The following PDPK1 variants were observed in gnomAD, a reference collection of about 807,000 sequenced individuals.
PDPK1 encodes 3-phosphoinositide dependent protein kinase 1.
A neutral mutation model predicts 39.8 loss-of-function variants in PDPK1; 7 were observed. The ratio of observed to expected loss-of-function variants is 0.18; its 90% CI spans 0.10 to 0.33. The LOEUF is 0.33. Ranked by LOEUF, PDPK1 falls within the 10% of genes least tolerant of loss-of-function variation. The pLI is 1.00. For synonymous variants in PDPK1, 118 were observed against 159.1 expected, an observed-to-expected ratio of 0.74 and a Z score of 1.95; for missense variants, 182 against 384.7, an observed-to-expected ratio of 0.47 and a Z score of 4.41.
At chr16:2,589,953 C>T (rs772438135) in intron 11 of PDPK1, among the ~76,000 whole-genome samples, 39 of 152,294 alleles carry the variant, frequency 2.6e-4, no homozygotes, top group Admixed American at 5.2e-4. Flanking sequence ...CCTGTGCTGC[C>T]ACAGTCCACA....
chr16:2,546,625 C>G (rs376969343), intron 1 of PDPK1, among the ~76,000 whole-genome samples: 1 of 152,212 alleles, frequency 6.6e-6, no homozygotes, highest in Admixed American at 6.5e-5. Flanking sequence ...CCACCGTGCC[C>G]GGCCTTCCTT....
Position 2,593,439 on chromosome 16 carries a change from G to C in PDPK1, c.1344-2354G>C, listed in dbSNP as rs780851724. ...TCGTCCTCTTTCCGTGGCTCCCACAGCTCAGTGCTGGGCTGCTGTTCTCGC... is the reference window on the plus strand; with the variant it reads ...TCGTCCTCTTTCCGTGGCTCCCACACCTCAGTGCTGGGCTGCTGTTCTCGC... On this transcript the variant is annotated intron_variant, in intron 11 of 13. Coordinates refer to ENST00000342085, the MANE Select transcript of PDPK1 (RefSeq NM_002613.5). The surrounding 1 kb of genome is among the most constrained non-coding windows in gnomAD (Gnocchi z 4.2). 1.3e-5 allele frequency: 4 copies of C among 318,292 alleles called. No individual in the cohort carries two copies. Among genetic ancestry groups the C allele is most frequent in the African/African-American group, 2.2e-5 (1 of 44,884 alleles). The allele number at this position is 318,292 out of a possible 1,614,324, so 19.7% of individuals were successfully genotyped here. A position where few individuals can be genotyped will look rare whatever the true frequency, so the allele number is the denominator to read the frequency against.
intron 11 of PDPK1, 22 bp downstream of exon 11, chr16:2,586,915 CA>C (rs1247615836): frequency 1.2e-6 from 2 of 1,605,000 alleles, no homozygotes; most frequent in Admixed American, 1.7e-5. Context: ...TGGACATAAG[CA>C]ATGCTTTTTG....
Position 2,601,188 on chromosome 16 carries a change from T to C in PDPK1, c.*3421T>C. ...TTCATTTTGAAGATATTTCTGTCTC[T>C]CTCTCGACCTGATGTGTAGACGCTC... On this transcript the variant is annotated 3_prime_UTR_variant, in exon 14 of 14. Coordinates refer to ENST00000342085, the MANE Select transcript of PDPK1 (RefSeq NM_002613.5). 1 of 233,672 alleles carries C rather than the reference T, an allele frequency of 4.3e-6. No homozygotes were observed. The highest frequency in any genetic ancestry group is 8.5e-6 in the Non-Finnish European group (1 of 117,932). The allele number at this position is 233,672 out of a possible 1,614,324, so 14.5% of individuals were successfully genotyped here.
intron 11 of PDPK1, among the ~76,000 whole-genome samples, chr16:2,591,463 G>A (rs1567167814): frequency 2.0e-5 from 3 of 152,186 alleles, no homozygotes; most frequent in South Asian, 2.1e-4. Flanking sequence ...CATTGCAACC[G>A]AGCTTTAAGC....
intron 10 of PDPK1, among the ~76,000 whole-genome samples, chr16:2,584,889 C>T (rs555664582): frequency 7.2e-4 from 109 of 152,308 alleles, no homozygotes; most frequent in African/African-American, 2.5e-3. Context: ...AGGCCCTTGC[C>T]CCCACCCTGT....
chr16:2,541,289 C>G (rs1372027373), intron 1 of PDPK1, among the ~76,000 whole-genome samples: 1 of 152,154 alleles, frequency 6.6e-6, no homozygotes, highest in Non-Finnish European at 1.5e-5. Context: ...TCAGTCTATG[C>G]ACTCATCCCC....
At chr16:2,586,052 G>T (rs1326414197) in intron 10 of PDPK1, among the ~76,000 whole-genome samples, 1 of 152,194 alleles carries the variant, frequency 6.6e-6, no homozygotes, top group African/African-American at 2.4e-5. Flanking sequence ...GTGTCCGCTT[G>T]GCACGTTTAT....
chr16:2,557,342 GT>G (rs1339512834), intron 1 of PDPK1: 12 of 337,610 alleles, frequency 3.6e-5, no homozygotes, highest in Non-Finnish European at 6.7e-5. Context: ...GGGCGTCTCT[GT>G]GTATTGTAAA....
In PDPK1 at chr16:2,601,247, T is replaced by TA. The variant is rs2067209248; in HGVS notation, c.*3481dup. The TA allele has an allele frequency of 8.5e-6, 2 of 234,380 alleles. No homozygotes were observed. Among genetic ancestry groups the TA allele is most frequent in the East Asian group, 1.2e-4 (2 of 16,568 alleles). 14.5% of individuals were successfully genotyped at this position (234,380 alleles called of 1,614,324 possible). On this transcript the variant is annotated 3_prime_UTR_variant, in exon 14 of 14. Transcript: ENST00000342085. Reference sequence around the variant, plus strand: ...TAGCAGAACCACCTTAGTTGTGTCTTACAGATTCTGAACAAATCGGTTTCT... The same window carrying TA: ...TAGCAGAACCACCTTAGTTGTGTCTTAACAGATTCTGAACAAATCGGTTTCT...
chr16:2,589,007 A>C (rs997892124), intron 11 of PDPK1, among the ~76,000 whole-genome samples: 2 of 152,058 alleles, frequency 1.3e-5, no homozygotes, highest in African/African-American at 4.8e-5. Context: ...CCCAGGCTGG[A>C]GTGCAGTGGC....
At chr16:2,577,720 T>G (rs2066741683) in intron 7 of PDPK1, among the ~76,000 whole-genome samples, 1 of 149,490 alleles carries the variant, frequency 6.7e-6, no homozygotes, top group Non-Finnish European at 1.5e-5. Context: ...GCAGATTGAA[T>G]CGTTTGGGTT....
chr16:2,539,054 G>T, intron 1 of PDPK1: 3 of 203,396 alleles, frequency 1.5e-5, no homozygotes, highest in Non-Finnish European at 3.0e-5. Flanking sequence ...AAATTTAATT[G>T]ATCCCGTGTC....
At position 2,586,844 on chromosome 16, in the gene PDPK1, G is replaced by A. The variant is rs751583488; in HGVS notation, c.1294G>A (p.Glu432Lys). 16 of 1,614,122 alleles carry A rather than the reference G, an allele frequency of 9.9e-6. No homozygotes were observed. The highest frequency in any genetic ancestry group is 6.6e-5 in the South Asian group (6 of 91,080). Residue 432 changes from glutamate to lysine, a missense_variant, in exon 11 of 14, where the codon GAA (glutamate) becomes AAA (lysine). Transcript: ENST00000342085. The stretch of plus-strand genomic sequence containing the variant: ...CTTTGAACTGGACTTACAGTTTTCC[G>A]AAGATGAGAAGAGGTTGTTGTTGGA... The part of the protein sequence containing the change: ...NSFELDLQFS[E>K]DEKRLLLEKQ...
intron 10 of PDPK1, among the ~76,000 whole-genome samples, chr16:2,585,554 C>T (rs781317229): frequency 2.0e-5 from 3 of 152,216 alleles, no homozygotes; most frequent in Non-Finnish European, 4.4e-5. Flanking sequence ...TTCGTTGGCT[C>T]CTGCTCTCCT....
chr16:2,543,762 C>T (rs1012186116), intron 1 of PDPK1, among the ~76,000 whole-genome samples: 8 of 152,234 alleles, frequency 5.3e-5, no homozygotes, highest in African/African-American at 1.7e-4. Context: ...TGCTCTGTCG[C>T]CCAGGCTGGA....
intron 1 of PDPK1, among the ~76,000 whole-genome samples, chr16:2,552,476 C>T (rs1334471589): frequency 1.3e-5 from 2 of 151,520 alleles, no homozygotes; most frequent in East Asian, 1.9e-4. Flanking sequence ...GTTGGGGGCT[C>T]GGGCTGGGGC....
chr16:2,538,617 A>T, intron 1 of PDPK1: 1 of 1,289,008 alleles, frequency 7.8e-7, no homozygotes, highest in African/African-American at 1.5e-5. Context: ...CCCCTTTTCC[A>T]GATTCTTGAT....
At chr16:2,539,716 G>T (rs2066209151) in intron 1 of PDPK1, among the ~76,000 whole-genome samples, 2 of 152,186 alleles carry the variant, frequency 1.3e-5, no homozygotes, top group Non-Finnish European at 2.9e-5. Context: ...TGGAGGCTGG[G>T]GCCGAGAGTT....
Sources: gnomAD v4.1 joint callset for allele counts (sites outside exome capture counted in the v4.1 genomes callset) on GRCh38, gnomAD v4.1.1 for gene constraint, Gnocchi (gnomAD v3.1) non-coding constraint, MANE v1.5 for transcripts, NCBI Gene and HGNC (gene_info 2026-07-23, HGNC 2026-07-21) for gene names.